Variants in NR3C2 observed in about 807,000 individuals in gnomAD.
NR3C2 encodes nuclear receptor subfamily 3 group C member 2.
In NR3C2, 15 loss-of-function variants were observed where a neutral mutation model predicts 86.4. That is an observed-to-expected ratio of 0.17 (90% CI 0.12 to 0.27). The LOEUF (loss-of-function observed/expected upper bound fraction) is 0.27, where lower values mean the gene tolerates loss of function less well. NR3C2 is among the 10% of genes least tolerant of loss of function. The probability of loss-of-function intolerance (pLI) is 1.00; values close to 1 mark genes in which losing one functional copy is unlikely to be tolerated. For synonymous variants in NR3C2, 458 were observed against 450.5 expected (o/e 1.02, Z -0.21); for missense variants, 960 against 1,195.6 (o/e 0.80, Z 2.91).
At chr4:148,316,872 G>C (rs1743213401) in intron 2 of NR3C2, among the ~76,000 whole-genome samples, 2 of 152,222 alleles carry the variant, frequency 1.3e-5, no homozygotes, top group Middle Eastern at 3.4e-3. Context: ...TGTGATCATG[G>C]CTCACTGCAG....
intron 2 of NR3C2, among the ~76,000 whole-genome samples, chr4:148,342,142 A>T (rs916418649): frequency 5.9e-5 from 9 of 152,150 alleles, no homozygotes; most frequent in African/African-American, 2.2e-4. Flanking sequence ...ACAAAAGAAG[A>T]TGGCTACGAG....
At chr4:148,150,942 A>G (rs948561316) in intron 6 of NR3C2, among the ~76,000 whole-genome samples, 16 of 152,210 alleles carry the variant, frequency 1.1e-4, no homozygotes, top group African/African-American at 3.4e-4. Flanking sequence ...GATTCCACTT[A>G]TATTAAATAT....
intron 8 of NR3C2, among the ~76,000 whole-genome samples, chr4:148,089,386 A>G (rs971363505): frequency 1.3e-5 from 2 of 152,218 alleles, no homozygotes; most frequent in Non-Finnish European, 1.5e-5. Context: ...GGCTATAAGA[A>G]CAGTCTCTGA....
intron 2 of NR3C2, among the ~76,000 whole-genome samples, chr4:148,392,948 T>C (rs1173739216): frequency 6.6e-6 from 1 of 152,156 alleles, no homozygotes; most frequent in Non-Finnish European, 1.5e-5. Flanking sequence ...TATCTTTCAG[T>C]AGGTAGACAT....
intron 2 of NR3C2, among the ~76,000 whole-genome samples, chr4:148,277,662 T>C (rs1159303066): frequency 6.6e-6 from 1 of 152,246 alleles, no homozygotes; most frequent in East Asian, 1.9e-4. Flanking sequence ...TGATGTGTTC[T>C]TTTATTTGCA....
At chr4:148,426,840 G>A (rs557412698) in intron 2 of NR3C2, among the ~76,000 whole-genome samples, 15 of 152,194 alleles carry the variant, frequency 9.9e-5, no homozygotes, top group East Asian at 5.8e-4. Flanking sequence ...GACCAACATC[G>A]CCACCTATAT....
intron 2 of NR3C2, among the ~76,000 whole-genome samples, chr4:148,421,176 C>T (rs561611750): frequency 6.6e-6 from 1 of 152,260 alleles, no homozygotes; most frequent in South Asian, 2.1e-4. Flanking sequence ...ACTCAACTAC[C>T]TTTTTTATAA....
intron 6 of NR3C2, among the ~76,000 whole-genome samples, chr4:148,127,530 G>T (rs184004416): frequency 2.3e-4 from 35 of 152,280 alleles, no homozygotes; most frequent in African/African-American, 8.2e-4. Context: ...TACAAATGTG[G>T]TAATAGATTA....
chr4:148,247,332 A>G (rs1008946912), intron 3 of NR3C2, among the ~76,000 whole-genome samples: 5 of 152,158 alleles, frequency 3.3e-5, no homozygotes, highest in Admixed American at 3.3e-4. Context: ...CCAATGGGTC[A>G]CTACTATAAA....
intron 2 of NR3C2, among the ~76,000 whole-genome samples, chr4:148,394,463 TGA>T (rs935568005): frequency 8.1e-4 from 123 of 151,098 alleles, no homozygotes; most frequent in African/African-American, 2.8e-3. Flanking sequence ...CAGGAATGCT[TGA>T]TCCCAAGAGT....
intron 2 of NR3C2, among the ~76,000 whole-genome samples, chr4:148,423,526 T>C (rs1749381760): frequency 6.6e-6 from 1 of 152,192 alleles, no homozygotes; most frequent in African/African-American, 2.4e-5. Flanking sequence ...GTGACAACTT[T>C]TATCTCCATC....
At chr4:148,283,945 G>A (rs562728324) in intron 2 of NR3C2, among the ~76,000 whole-genome samples, 3 of 152,230 alleles carry the variant, frequency 2.0e-5, no homozygotes, top group South Asian at 2.1e-4. Context: ...CCCCACCCTC[G>A]TAATGACCAC....
chr4:148,431,241 A>T (rs58869535), intron 2 of NR3C2, among the ~76,000 whole-genome samples: 66,446 of 151,946 alleles, frequency 0.44, 16,386 homozygotes, highest in African/African-American at 0.65. Context: ...CCTCATTTTT[A>T]CTTTAAAATG....
At chr4:148,111,861 G>A (rs1002244528) in intron 8 of NR3C2, among the ~76,000 whole-genome samples, 16 of 152,122 alleles carry the variant, frequency 1.1e-4, no homozygotes, top group African/African-American at 3.6e-4. Flanking sequence ...AGGAAGGCTG[G>A]AGAAAACTTC....
intron 3 of NR3C2, among the ~76,000 whole-genome samples, chr4:148,249,172 G>A (rs1739453693): frequency 6.6e-6 from 1 of 152,004 alleles, no homozygotes; most frequent in African/African-American, 2.4e-5. Flanking sequence ...ACTAGTAAAT[G>A]GTCAGTACGG....
rs773710218 is a variant in NR3C2, at chr4:148,080,054, C to G, written c.*1290G>C. ...GCCATCAAGTTCCCAGTCTCACTCTCGTAGAGCTGGTTCTGCTTCTAGAGG... is the reference window on the plus strand; with the variant it reads ...GCCATCAAGTTCCCAGTCTCACTCTGGTAGAGCTGGTTCTGCTTCTAGAGG... On this transcript the variant is annotated 3_prime_UTR_variant, in exon 9 of 9. Transcript: ENST00000358102. 1.3e-5 allele frequency: 2 copies of G among 152,186 alleles called. No homozygotes were observed. The highest frequency in any genetic ancestry group is 2.4e-5 in the African/African-American group (1 of 41,442). 9.4% of individuals were successfully genotyped at this position (152,186 alleles called of 1,614,324 possible). A position where few individuals can be genotyped will look rare whatever the true frequency, so the allele number is the denominator to read the frequency against.
chr4:148,247,064 C>T (rs1338578412), intron 3 of NR3C2, among the ~76,000 whole-genome samples: 1 of 152,080 alleles, frequency 6.6e-6, no homozygotes, highest in Non-Finnish European at 1.5e-5. Flanking sequence ...AAGAGAAAAG[C>T]ACAATTAGTA....
intron 8 of NR3C2, among the ~76,000 whole-genome samples, chr4:148,107,878 G>T (rs1731873844): frequency 6.6e-6 from 1 of 152,092 alleles, no homozygotes; most frequent in Admixed American, 6.5e-5. Flanking sequence ...GAGAGCATTA[G>T]GACAAACACC....
At chr4:148,326,204 C>T (rs1199636268) in intron 2 of NR3C2, among the ~76,000 whole-genome samples, 2 of 141,262 alleles carry the variant, frequency 1.4e-5, no homozygotes, top group Non-Finnish European at 3.0e-5. Flanking sequence ...TCCTGGCTAA[C>T]ATGGTGAAAC....
Sources: allele counts gnomAD v4.1 joint callset (sites outside exome capture counted in the v4.1 genomes callset), GRCh38; gene constraint gnomAD v4.1.1; transcripts MANE v1.5; gene names NCBI Gene and HGNC (gene_info 2026-07-23, HGNC 2026-07-21).